TP63: variants seen among roughly 807,000 people sequenced by gnomAD.
TP63 encodes the protein tumor protein 63.
A neutral mutation model predicts 82.8 loss-of-function variants in TP63; 17 were observed. That is an observed-to-expected ratio of 0.21 (90% CI 0.14 to 0.31). The LOEUF (loss-of-function observed/expected upper bound fraction) is 0.31. Ranked by LOEUF, TP63 falls within the 10% of genes least tolerant of loss-of-function variation. TP63 has a pLI of 1.00. For synonymous variants in TP63, 330 were observed against 321.7 expected (o/e 1.03, Z -0.28); for missense variants, 648 against 895.3 (o/e 0.72, Z 3.52).
intron 1 of TP63, among the ~76,000 whole-genome samples, chr3:189,697,575 CA>C (rs201937835): frequency 3.3e-5 from 5 of 149,896 alleles, no homozygotes; most frequent in Non-Finnish European, 5.9e-5. Context: ...GCCAATATCT[CA>C]AAAAAAAATA....
intron 1 of TP63, among the ~76,000 whole-genome samples, chr3:189,715,502 G>A (rs930916261): frequency 6.6e-6 from 1 of 152,096 alleles, no homozygotes; most frequent in East Asian, 1.9e-4. Flanking sequence ...TAAACATTAA[G>A]ACCTATTAGG....
chr3:189,801,181 G>A (rs1726268615), intron 3 of TP63, among the ~76,000 whole-genome samples: 1 of 152,014 alleles, frequency 6.6e-6, no homozygotes, highest in African/African-American at 2.4e-5. Context: ...CATAAAGATG[G>A]CTTAACATTC....
intron 1 of TP63, among the ~76,000 whole-genome samples, chr3:189,675,840 T>C (rs1288221129): frequency 6.6e-6 from 1 of 152,146 alleles, no homozygotes; most frequent in Non-Finnish European, 1.5e-5. Flanking sequence ...AGACAGAGGC[T>C]TAATTCTTAT....
chr3:189,734,957 CA>C (rs35115141), intron 1 of TP63, among the ~76,000 whole-genome samples: 89,579 of 151,760 alleles, frequency 0.59, 26,590 homozygotes, highest in Non-Finnish European at 0.61. Context: ...CAATTGTATC[CA>C]AAAAAACATT....
intron 3 of TP63, among the ~76,000 whole-genome samples, chr3:189,779,987 A>G (rs560548628): frequency 6.6e-6 from 1 of 152,230 alleles, no homozygotes; most frequent in Non-Finnish European, 1.5e-5. Flanking sequence ...TCAGATCAAC[A>G]GTAATATAGG....
intron 10 of TP63, among the ~76,000 whole-genome samples, chr3:189,874,960 C>T (rs1718862699): frequency 6.7e-6 from 1 of 149,288 alleles, no homozygotes; most frequent in Non-Finnish European, 1.5e-5. Flanking sequence ...GAACTAGTTG[C>T]TCTTCAGTAC....
rs531548502 is a variant in TP63, at chr3:189,745,002, G to A, written c.324+6228G>A. Among the ~76,000 whole-genome samples the A allele has an allele frequency of 1.6e-4, 24 of 152,316 alleles. No homozygotes were observed. The South Asian group carries it at 1.7e-3, about 11-fold the overall frequency. On this transcript the variant is annotated intron_variant, in intron 3 of 13. Transcript: ENST00000264731. ...AGCCACAAGGGAAATCATAGACACC[G>A]CTGATGCTGTTTACAACTGAAGATA...
chr3:189,798,232 A>G (rs1169277086), intron 3 of TP63, among the ~76,000 whole-genome samples: 2 of 152,120 alleles, frequency 1.3e-5, no homozygotes, highest in Admixed American at 1.3e-4. Context: ...ACAAAAATAA[A>G]TAAAGCGAGC....
At position 189,789,665 on chromosome 3, in the gene TP63, G is replaced by C. The variant is rs116224653; in HGVS notation, c.325-18607G>C. On this transcript the variant is annotated intron_variant, in intron 3 of 13. Transcript: ENST00000264731. The stretch of plus-strand genomic sequence containing the variant: ...GGAAACCTTAAATTATGTACAGAGA[G>C]AGAAAGAGAGAGAGGGACTTGAGTT... The C allele has an allele frequency of 3.0e-3, 4,322 of 1,452,506 alleles. 120 individuals are homozygous for C. The African/African-American group carries it at 0.058, about 20-fold the overall frequency. 90.0% of individuals were successfully genotyped at this position (1,452,506 alleles called of 1,614,324 possible). A position where few individuals can be genotyped will look rare whatever the true frequency, so the allele number is the denominator to read the frequency against.
intron 4 of TP63, among the ~76,000 whole-genome samples, chr3:189,859,547 C>T (rs7642420): frequency 0.18 from 27,366 of 152,006 alleles, 3,696 homozygotes; most frequent in African/African-American, 0.39. Flanking sequence ...ATTAAAATAA[C>T]AGCTGACAAT....
chr3:189,672,477 C>T (rs1714972976), intron 1 of TP63, among the ~76,000 whole-genome samples: 1 of 151,972 alleles, frequency 6.6e-6, no homozygotes, highest in African/African-American at 2.4e-5. Flanking sequence ...TGGCACATGA[C>T]TGTAGTCCCA....
intron 3 of TP63, among the ~76,000 whole-genome samples, chr3:189,741,718 C>T (rs1371862819): frequency 6.6e-6 from 1 of 152,082 alleles, no homozygotes; most frequent in East Asian, 1.9e-4. Context: ...TTGATACAAC[C>T]TAAACATTTA....
chr3:189,691,873 C>T (rs781319403), intron 1 of TP63, among the ~76,000 whole-genome samples: 3 of 152,094 alleles, frequency 2.0e-5, no homozygotes, highest in African/African-American at 4.8e-5. Flanking sequence ...CATAGAATAT[C>T]GTACCTAGAA....
intron 4 of TP63, among the ~76,000 whole-genome samples, chr3:189,816,670 T>C (rs1281153880): frequency 6.6e-6 from 1 of 152,192 alleles, no homozygotes; most frequent in Non-Finnish European, 1.5e-5. Context: ...GAAGAGTTTA[T>C]TGTAGAATAG....
At chr3:189,621,291 T>C in the TP63 span, among the ~76,000 whole-genome samples, 1 of 152,174 alleles carries the variant, frequency 6.6e-6, no homozygotes, top group Admixed American at 6.5e-5. Context: ...ACCATGGAAA[T>C]ACACTGCATA....
upstream of TP63, among the ~76,000 whole-genome samples, chr3:189,628,925 C>A (rs1729375759): frequency 6.6e-6 from 1 of 152,120 alleles, no homozygotes; most frequent in Non-Finnish European, 1.5e-5. Flanking sequence ...GCAATAGGAG[C>A]CAATCTTTTT....
At chr3:189,828,277 G>A (rs562974000) in intron 4 of TP63, among the ~76,000 whole-genome samples, 10 of 151,748 alleles carry the variant, frequency 6.6e-5, no homozygotes, top group Middle Eastern at 3.4e-3. Flanking sequence ...AGAGAGATAC[G>A]GAGATATGGG....
rs761041436 is a variant in TP63 at position 189,889,415 on chromosome 3, C to G, written c.1583C>G (p.Pro528Arg). ...AGCCCCACCCAGGCACTCCCTCCCC[C>G]ACTCTCCATGCCATCCACCTCCCAC... The part of the protein sequence containing the change: ...GLSPTQALPP[P>R]LSMPSTSHCT... Residue 528 changes from proline (P) to arginine (R), a missense_variant, in exon 12 of 14, where the codon CCA (proline) becomes CGA (arginine). By Grantham distance (103) the Pro-to-Arg change is moderately radical (BLOSUM62 -2). This residue lies in a region of TP63 where 342 missense variants were observed against 425.7 expected (regional missense o/e 0.80). Transcript: ENST00000264731. 3 of 1,614,018 alleles carry G rather than the reference C, an allele frequency of 1.9e-6. No individual in the cohort carries two copies. Among genetic ancestry groups the G allele is most frequent in the Non-Finnish European group, 2.5e-6 (3 of 1,180,010 alleles).
chr3:189,718,863 T>TA (rs1442132954), intron 1 of TP63, among the ~76,000 whole-genome samples: 7 of 151,964 alleles, frequency 4.6e-5, no homozygotes, highest in Non-Finnish European at 8.8e-5. Context: ...ATCATTTATC[T>TA]AAAAAAACAA....
Sources: allele counts gnomAD v4.1 joint callset (sites outside exome capture counted in the v4.1 genomes callset), GRCh38; gene constraint gnomAD v4.1.1; regional missense constraint gnomAD v4.1.1; transcripts MANE v1.5; gene names NCBI Gene and HGNC (gene_info 2026-07-23, HGNC 2026-07-21).